GPHN: variants seen among roughly 807,000 people sequenced by gnomAD.
GPHN encodes gephyrin.
In GPHN, 17 loss-of-function variants were observed where a neutral mutation model predicts 95.5. That is an observed-to-expected ratio of 0.18 (90% CI 0.12 to 0.27). GPHN has a LOEUF of 0.27. Among genes scored for constraint, GPHN ranks in the 10% least tolerant of loss-of-function variants. GPHN has a pLI of 1.00. For missense variants in GPHN, 660 were observed against 978.1 expected (o/e 0.67, Z 4.34); for synonymous variants, 320 against 322.5 (o/e 0.99, Z 0.08).
the GPHN span, chr14:67,208,533 G>T: frequency 7.2e-7 from 1 of 1,386,354 alleles, no homozygotes; most frequent in Non-Finnish European, 9.7e-7. Context: ...CTTAACTCAG[G>T]CATCTGCCAC....
chr14:67,592,771 C>CT, the GPHN span: 20 of 1,065,264 alleles, frequency 1.9e-5, no homozygotes, highest in Non-Finnish European at 2.7e-5. Context: ...ATTTTGCATT[C>CT]TTTTTTTCTT....
chr14:66,768,861 G>T (rs1431459317), intron 2 of GPHN, among the ~76,000 whole-genome samples: 1 of 151,904 alleles, frequency 6.6e-6, no homozygotes, highest in Non-Finnish European at 1.5e-5. Context: ...GAAGATGAAT[G>T]TTTGAAACAA....
the GPHN span, chr14:67,467,932 T>C: frequency 6.6e-6 from 1 of 151,938 alleles, no homozygotes; most frequent in African/African-American, 2.4e-5. Flanking sequence ...GCAGTCACGG[T>C]ACTGGCAGTC....
chr14:66,738,743 AAT>A (rs1189760786), intron 2 of GPHN, among the ~76,000 whole-genome samples: 2 of 152,120 alleles, frequency 1.3e-5, no homozygotes, highest in Admixed American at 6.5e-5. Flanking sequence ...TCCCATAATA[AAT>A]ATGTTAATTT....
intron 1 of GPHN, among the ~76,000 whole-genome samples, chr14:66,576,669 T>G (rs1324492983): frequency 5.3e-5 from 8 of 152,160 alleles, no homozygotes; most frequent in Admixed American, 5.2e-4. Flanking sequence ...GTAGGAAATT[T>G]TGGTGGAAGT....
At chr14:67,673,240 A>T in the GPHN span, among the ~76,000 whole-genome samples, 1 of 152,160 alleles carries the variant, frequency 6.6e-6, no homozygotes, top group Non-Finnish European at 1.5e-5. Context: ...ATTACTCCAG[A>T]GGCTGAGGCA....
chr14:66,982,489 C>G (rs1276510178), intron 9 of GPHN, among the ~76,000 whole-genome samples: 1 of 152,072 alleles, frequency 6.6e-6, no homozygotes, highest in African/African-American at 2.4e-5. Context: ...AGAGGTAATA[C>G]AGTGCAACAT....
rs113831053 is a variant in GPHN at position 66,704,083 on chromosome 14, A to T, written c.143+22898A>T. On this transcript the variant is annotated intron_variant, in intron 2 of 22. Transcript: ENST00000478722. The stretch of plus-strand genomic sequence containing the variant: ...AAAAAAAGACAAAGAAGGGCATTAC[A>T]TAATGGTAAAGGGACCAATTCAACA... Among the ~76,000 whole-genome samples the T allele has an allele frequency of 3.6e-3, 553 of 152,320 alleles. 12 individuals are homozygous for T. Among genetic ancestry groups the T allele is most frequent in the African/African-American group, 0.013 (527 of 41,580 alleles).
intron 12 of GPHN, among the ~76,000 whole-genome samples, chr14:67,098,841 A>G (rs1172662684): frequency 6.6e-6 from 1 of 151,720 alleles, no homozygotes; most frequent in Admixed American, 6.6e-5. Flanking sequence ...AAAAAAGAAA[A>G]AGAGAGAGAG....
intron 13 of GPHN, among the ~76,000 whole-genome samples, chr14:67,102,990 C>A (rs1029202857): frequency 1.3e-5 from 2 of 152,174 alleles, no homozygotes. Flanking sequence ...AAAAGAACAG[C>A]TAGGCTTGAT....
At chr14:67,360,299 C>A in the GPHN span, 1 of 398,652 alleles carries the variant, frequency 2.5e-6, no homozygotes, top group South Asian at 1.3e-4. Flanking sequence ...TCTATTCGTT[C>A]AGCGCTTGCG....
the GPHN span, among the ~76,000 whole-genome samples, chr14:67,237,040 A>C: frequency 3.3e-5 from 5 of 152,156 alleles, no homozygotes; most frequent in African/African-American, 7.2e-5. Flanking sequence ...CAGTGAGCCA[A>C]GATCACACCA....
At chr14:67,228,778 T>A in the GPHN span, among the ~76,000 whole-genome samples, 2 of 152,220 alleles carry the variant, frequency 1.3e-5, no homozygotes, top group African/African-American at 4.8e-5. Flanking sequence ...GTTTCTAACA[T>A]TGGAGAATGT....
the GPHN span, chr14:67,196,932 T>C: frequency 6.6e-6 from 1 of 151,710 alleles, no homozygotes; most frequent in Non-Finnish European, 1.5e-5. Context: ...AAATTAGTGC[T>C]TTTTTTTTCT....
At chr14:67,566,564 GC>G in the GPHN span, among the ~76,000 whole-genome samples, 18,003 of 152,040 alleles carry the variant, frequency 0.12, 1,401 homozygotes, top group East Asian at 0.27. Context: ...GGGCAACACG[GC>G]GAAACCCCAT....
chr14:66,845,187 G>A (rs1029459438), intron 4 of GPHN, among the ~76,000 whole-genome samples: 2 of 151,998 alleles, frequency 1.3e-5, no homozygotes, highest in Non-Finnish European at 2.9e-5. Context: ...TACAAACATT[G>A]GCATGCAAGT....
At chr14:67,347,500 C>CTT in the GPHN span, 15,245 of 1,290,862 alleles carry the variant, frequency 0.012, 192 homozygotes, top group East Asian at 0.046. Context: ...TTTAAGTTCT[C>CTT]TCTTTTTTTT....
the GPHN span, chr14:67,208,462 G>C: frequency 6.2e-7 from 1 of 1,605,442 alleles, no homozygotes; most frequent in South Asian, 1.1e-5. Flanking sequence ...ATGTGAGGCA[G>C]GAACATGCCA....
At chr14:66,793,794 G>T (rs1255689646) in intron 3 of GPHN, among the ~76,000 whole-genome samples, 3 of 152,032 alleles carry the variant, frequency 2.0e-5, no homozygotes, top group African/African-American at 7.2e-5. Flanking sequence ...CAAAAATATG[G>T]TTAAAAAAGG....
Sources: allele counts gnomAD v4.1 joint callset (sites outside exome capture counted in the v4.1 genomes callset), GRCh38; gene constraint gnomAD v4.1.1; transcripts MANE v1.5; gene names NCBI Gene and HGNC (gene_info 2026-07-23, HGNC 2026-07-21).